FAM153A: variants seen among roughly 807,000 people sequenced by gnomAD.
FAM153A encodes the protein family with sequence similarity 153 member A.
Under a neutral mutation model 48.1 loss-of-function variants are expected in FAM153A, and 12 were observed. The ratio of observed to expected loss-of-function variants is 0.25; its 90% confidence interval spans 0.16 to 0.40. The LOEUF (loss-of-function observed/expected upper bound fraction) is 0.40, where lower values mean the gene tolerates loss of function less well. Among genes scored for constraint, FAM153A ranks in the 10% least tolerant of loss-of-function variants. The pLI, the probability that FAM153A is intolerant of heterozygous loss-of-function variation, is 1.00. For missense variants in FAM153A, 111 were observed against 345.8 expected (o/e 0.32, Z 5.38); for synonymous variants, 36 against 118.2 (o/e 0.30, Z 4.51).
At chr5:177,719,464 A>T (rs1760654803), downstream of FAM153A, among the ~76,000 whole-genome samples, 1 of 150,954 alleles carries the variant, frequency 6.6e-6, no homozygotes, top group Non-Finnish European at 1.5e-5. Flanking sequence ...AGAGAGAAAA[A>T]GGGAGGGAGG....
intron 18 of FAM153A, among the ~76,000 whole-genome samples, chr5:177,728,576 T>C (rs1331433581): frequency 8.8e-6 from 1 of 113,202 alleles, no homozygotes; most frequent in Non-Finnish European, 1.9e-5. Flanking sequence ...TTTGTTTTTG[T>C]TTTTTTTTTT....
intron 1 of FAM153A, among the ~76,000 whole-genome samples, chr5:177,760,041 G>A (rs1439047272): frequency 6.8e-6 from 1 of 147,724 alleles, no homozygotes; most frequent in African/African-American, 2.6e-5. Context: ...TAATTGAAGG[G>A]GTGGTTAACA....
exon 27 of FAM153A, chr5:177,712,096 T>C (rs910018225): frequency 6.6e-6 from 1 of 151,602 alleles, no homozygotes; most frequent in East Asian, 1.9e-4. Context: ...TTCTTAACAA[T>C]TAAAAAAACA....
the FAM153A span, among the ~76,000 whole-genome samples, chr5:177,698,282 A>T: frequency 6.6e-6 from 1 of 152,056 alleles, no homozygotes; most frequent in East Asian, 1.9e-4. Context: ...TATAATCATG[A>T]TGTGAATTTT....
At position 177,769,102 on chromosome 5, in the gene FAM153A, G is replaced by A. The variant is rs1296298814; in HGVS notation, c.-57+11347C>T. Among the ~76,000 whole-genome samples the A allele has an allele frequency of 8.0e-5, 7 of 87,590 alleles. 2 individuals carry two copies. Among genetic ancestry groups the A allele is most frequent in the Non-Finnish European group, 1.2e-4 (5 of 43,336 alleles). 57.5% of individuals were successfully genotyped at this position (87,590 alleles called of 152,430 possible). A position where few individuals can be genotyped will look rare whatever the true frequency, so the allele number is the denominator to read the frequency against. ...AAAAAAAATAGCCGGGCTTTGTGGC[G>A]GGTGCCTGTAGTCCCAGCTACTCCA... On this transcript the variant is annotated intron_variant, in intron 1 of 8. Coordinates refer to the FAM153A transcript ENST00000393518.
At chr5:177,749,673 A>G (rs1395795129) in intron 2 of FAM153A, among the ~76,000 whole-genome samples, 51 of 122,990 alleles carry the variant, frequency 4.1e-4, no homozygotes, top group African/African-American at 1.6e-3. Context: ...GTCTATACCC[A>G]CAAATTTCCT....
At chr5:177,738,703 T>C (rs1765072882) in intron 10 of FAM153A, among the ~76,000 whole-genome samples, 1 of 151,182 alleles carries the variant, frequency 6.6e-6, no homozygotes, top group African/African-American at 2.5e-5. Flanking sequence ...CAGCTACAGC[T>C]GTGGTGGAGG....
downstream of FAM153A, chr5:177,706,896 A>G (rs1757927274): frequency 6.6e-6 from 1 of 152,012 alleles, no homozygotes; most frequent in Non-Finnish European, 1.5e-5. Flanking sequence ...GTGAGTATGT[A>G]TAGCTGTGCT....
exon 27 of FAM153A, chr5:177,712,610 T>A (rs1468397802): frequency 6.6e-6 from 1 of 151,782 alleles, no homozygotes; most frequent in Non-Finnish European, 1.5e-5. Flanking sequence ...GGTTACTGAT[T>A]GAGAAATGTA....
intron 1 of FAM153A, among the ~76,000 whole-genome samples, chr5:177,766,135 AAAAC>A (rs1338466975): frequency 2.0e-5 from 2 of 102,098 alleles, no homozygotes; most frequent in African/African-American, 6.9e-5. Context: ...AATAAAACAA[AAAAC>A]AAACAGAAAA....
At chr5:177,732,649 TAC>T (rs1379355938) in intron 14 of FAM153A, among the ~76,000 whole-genome samples, 1 of 95,024 alleles carries the variant, frequency 1.1e-5, no homozygotes, top group Non-Finnish European at 2.2e-5. Context: ...TAGCTAGGAT[TAC>T]AGGCATGCAT....
At chr5:177,714,374 CAATT>C (rs1236530024) in intron 25 of FAM153A, among the ~76,000 whole-genome samples, 2 of 151,754 alleles carry the variant, frequency 1.3e-5, no homozygotes, top group African/African-American at 4.9e-5. Flanking sequence ...GAGGTAGTCT[CAATT>C]AAGTTGATGC....
chr5:177,696,028 TG>T, the FAM153A span, among the ~76,000 whole-genome samples: 1 of 111,432 alleles, frequency 9.0e-6, no homozygotes, highest in African/African-American at 3.8e-5. Flanking sequence ...ACTTCCTAGA[TG>T]GGGCGGCCGG....
In FAM153A at chr5:177,768,997, G is replaced by A. The variant is rs1187205690; in HGVS notation, c.-57+11452C>T. 6.6e-5 allele frequency among the ~76,000 whole-genome samples: 6 copies of A among 90,986 alleles called. 2 individuals are homozygous for A. The highest frequency in any genetic ancestry group is 1.3e-4 in the Non-Finnish European group (6 of 44,884). The allele number at this position is 90,986 out of a possible 152,430, so 59.7% of individuals were successfully genotyped here. Reference sequence around the variant, plus strand: ...CCAGCACTTTGGGAGGCCGAGGCGGGCAGATCACGAGGTCAGGAGATCAAG... The same window carrying A: ...CCAGCACTTTGGGAGGCCGAGGCGGACAGATCACGAGGTCAGGAGATCAAG... On this transcript the variant is annotated intron_variant, in intron 1 of 8. Transcript: ENST00000393518.
upstream of FAM153A, chr5:177,782,878 C>G (rs1769821060): frequency 1.1e-5 from 1 of 91,254 alleles, no homozygotes; most frequent in Non-Finnish European, 2.2e-5. Flanking sequence ...GGTGCAGGCG[C>G]CGCTGGGCTC....
intron 25 of FAM153A, among the ~76,000 whole-genome samples, chr5:177,715,874 T>C (rs369516582): frequency 2.0e-5 from 3 of 151,182 alleles, no homozygotes; most frequent in Admixed American, 1.3e-4. Flanking sequence ...GGGGTCTTGC[T>C]ATTGTTGCCT....
At chr5:177,698,497 T>C in the FAM153A span, among the ~76,000 whole-genome samples, 1 of 151,896 alleles carries the variant, frequency 6.6e-6, no homozygotes, top group Non-Finnish European at 1.5e-5. Flanking sequence ...TGGAGCCTGC[T>C]TCAGACTTGC....
intron 1 of FAM153A, among the ~76,000 whole-genome samples, chr5:177,770,944 T>C (rs1340295315): frequency 1.0e-5 from 1 of 97,970 alleles, no homozygotes; most frequent in Non-Finnish European, 2.1e-5. Context: ...AACATATTCA[T>C]TGTCTGTGCA....
chr5:177,763,858 C>T (rs2127713841), intron 1 of FAM153A, among the ~76,000 whole-genome samples: 1 of 151,302 alleles, frequency 6.6e-6, no homozygotes, highest in South Asian at 2.1e-4. Flanking sequence ...AGGACTAACA[C>T]CTGGGCTAGC....
Sources: allele counts gnomAD v4.1 joint callset (sites outside exome capture counted in the v4.1 genomes callset), GRCh38; gene constraint gnomAD v4.1.1; transcripts MANE v1.5; gene names NCBI Gene and HGNC (gene_info 2026-07-23, HGNC 2026-07-21).